Variants in DCDC2C observed in about 807,000 individuals in gnomAD.
DCDC2C encodes doublecortin domain containing 2C, also known as doublecortin domain-containing protein 2C.
DCDC2C carries 44 observed loss-of-function variants against 45.0 expected under a neutral mutation model. The ratio of observed to expected loss-of-function variants is 0.98; its 90% confidence interval spans 0.77 to 1.26. The LOEUF (loss-of-function observed/expected upper bound fraction) is 1.26, where lower values mean the gene tolerates loss of function less well. Among genes scored for constraint, DCDC2C ranks in the 50% most tolerant of loss-of-function variants. The pLI, the probability that DCDC2C is intolerant of heterozygous loss-of-function variation, is 0.00. For missense variants in DCDC2C, 447 were observed against 468.9 expected (o/e 0.95, Z 0.43); for synonymous variants, 187 against 178.8 (o/e 1.05, Z -0.37).
chr2:3,715,555 C>T (rs917208405), intron 2 of DCDC2C, among the ~76,000 whole-genome samples: 3 of 150,320 alleles, frequency 2.0e-5, no homozygotes, highest in Non-Finnish European at 3.0e-5. Flanking sequence ...ATGTATTCTG[C>T]TCATCACAAC....
chr2:3,708,888 G>T (rs1307128297), intron 2 of DCDC2C, among the ~76,000 whole-genome samples: 1 of 152,166 alleles, frequency 6.6e-6, no homozygotes, highest in Non-Finnish European at 1.5e-5. Flanking sequence ...TTTGTTTTGG[G>T]GGGGTTTGGA....
intron 2 of DCDC2C, among the ~76,000 whole-genome samples, chr2:3,720,346 T>G (rs147591401): frequency 1.3e-5 from 2 of 152,034 alleles, no homozygotes; most frequent in Admixed American, 6.5e-5. Flanking sequence ...CTGTGAGGTT[T>G]TCAGAGGAAC....
intron 10 of DCDC2C, among the ~76,000 whole-genome samples, chr2:3,819,589 C>A (rs1285684529): frequency 1.3e-5 from 2 of 152,150 alleles, no homozygotes; most frequent in African/African-American, 2.4e-5. Context: ...ATGTCAGGAG[C>A]AGATTGGGTA....
intron 8 of DCDC2C, among the ~76,000 whole-genome samples, chr2:3,777,689 G>A (rs1223527901): frequency 6.6e-6 from 1 of 152,318 alleles, no homozygotes; most frequent in East Asian, 1.9e-4. Flanking sequence ...CTTGGTCTGA[G>A]TTTTCAGAAG....
chr2:3,813,056 TATATATATATA>T lies in DCDC2C; in HGVS notation c.1065+27957_1065+27967del, dbSNP rs1429710354. Among the ~76,000 whole-genome samples, 160 of 100,372 alleles carry T rather than the reference TATATATATATA, an allele frequency of 1.6e-3. 3 individuals carry two copies. The highest frequency in any genetic ancestry group is 5.2e-3 in the African/African-American group (109 of 21,152). The allele number at this position is 100,372 out of a possible 152,430, so 65.8% of individuals were successfully genotyped here. On this transcript the variant is annotated intron_variant, in intron 10 of 10. Coordinates refer to ENST00000399143, the MANE Select transcript of DCDC2C (RefSeq NM_001287444.2). ...AGAAGAACGTATATATATATATATATATATATATATATTTTTTTTTTTTTGCTGTTTTTGAG... is the reference window on the plus strand; with the variant it reads ...AGAAGAACGTATATATATATATATATTTTTTTTTTTTTTGCTGTTTTTGAG...
At chr2:3,816,161 A>G (rs1671553943) in intron 10 of DCDC2C, among the ~76,000 whole-genome samples, 1 of 152,192 alleles carries the variant, frequency 6.6e-6, no homozygotes, top group African/African-American at 2.4e-5. Context: ...CATTTGTCAC[A>G]TAGAATGATT....
intron 6 of DCDC2C, among the ~76,000 whole-genome samples, chr2:3,766,450 G>A (rs1318574961): frequency 6.6e-6 from 1 of 152,062 alleles, no homozygotes; most frequent in East Asian, 1.9e-4. Context: ...CAAAATACAA[G>A]CACCATATAC....
intron 3 of DCDC2C, among the ~76,000 whole-genome samples, chr2:3,740,538 T>C (rs576443416): frequency 6.6e-6 from 1 of 152,232 alleles, no homozygotes; most frequent in Non-Finnish European, 1.5e-5. Context: ...TTGATTACTT[T>C]TATTCCTATT....
chr2:3,845,627 GA>G, intron 10 of DCDC2C, among the ~76,000 whole-genome samples: 1 of 152,230 alleles, frequency 6.6e-6, no homozygotes, highest in East Asian at 1.9e-4. Flanking sequence ...ATCTCATCCT[GA>G]GCAATTTTTA....
intron 6 of DCDC2C, among the ~76,000 whole-genome samples, chr2:3,766,627 A>C (rs1020357874): frequency 6.6e-6 from 1 of 152,158 alleles, no homozygotes; most frequent in Admixed American, 6.5e-5. Flanking sequence ...AAAGATTGAA[A>C]ACCTGGCAGT....
Position 3,745,032 on chromosome 2 carries a change from C to G in DCDC2C, c.545+2984C>G, listed in dbSNP as rs555025128. ...TTTTAGACTTGCTCTGTTGCCTGGG[C>G]TGGAGTGCAATGGTGCAATCTCGGC... On this transcript the variant is annotated intron_variant, in intron 4 of 10. Coordinates refer to ENST00000399143, the MANE Select transcript of DCDC2C (RefSeq NM_001287444.2). Among the ~76,000 whole-genome samples the G allele has an allele frequency of 1.1e-4, 17 of 152,296 alleles. No individual in the cohort carries two copies. The South Asian group carries it at 3.5e-3, about 32-fold the overall frequency.
At chr2:3,840,842 C>T (rs763422692) in intron 10 of DCDC2C, among the ~76,000 whole-genome samples, 18 of 152,162 alleles carry the variant, frequency 1.2e-4, no homozygotes, top group Non-Finnish European at 2.2e-4. Flanking sequence ...TGAAAGTGTC[C>T]GCCGCGAGGC....
chr2:3,808,001 G>A (rs1300813011), intron 10 of DCDC2C, among the ~76,000 whole-genome samples: 1 of 152,158 alleles, frequency 6.6e-6, no homozygotes, highest in Non-Finnish European at 1.5e-5. Flanking sequence ...ATTTTAAAAA[G>A]AGCTGCTATC....
intron 10 of DCDC2C, among the ~76,000 whole-genome samples, chr2:3,800,385 G>A (rs1191658024): frequency 6.6e-6 from 1 of 152,160 alleles, no homozygotes; most frequent in Non-Finnish European, 1.5e-5. Context: ...GGCCATCTTG[G>A]CTCCTCCCTC....
chr2:3,834,365 A>G (rs548376168), intron 10 of DCDC2C, among the ~76,000 whole-genome samples: 1 of 152,148 alleles, frequency 6.6e-6, no homozygotes, highest in Non-Finnish European at 1.5e-5. Context: ...TGTCCCCTAC[A>G]AACCTGTTGT....
intron 2 of DCDC2C, among the ~76,000 whole-genome samples, chr2:3,719,125 G>A (rs983398449): frequency 1.2e-4 from 18 of 151,382 alleles, no homozygotes; most frequent in Admixed American, 3.3e-4. Flanking sequence ...TCGCTCTGTC[G>A]CCCAGGCTGG....
rs58613923 is a variant in DCDC2C at position 3,791,990 on chromosome 2, A to AT, written c.1065+6900dup. ...CCTTTGGCCATTCATTTATTAGTTC[A>AT]TTTTTTTTTTAATTCACCAGTTATC... On this transcript the variant is annotated intron_variant, in intron 10 of 10. Transcript: ENST00000399143. Among the ~76,000 whole-genome samples the AT allele has an allele frequency of 1.6e-4, 24 of 151,246 alleles. No individual in the cohort carries two copies. The East Asian group carries it at 1.9e-3, about 12-fold the overall frequency.
chr2:3,726,440 T>A (rs966283597), intron 2 of DCDC2C, among the ~76,000 whole-genome samples: 10 of 152,160 alleles, frequency 6.6e-5, no homozygotes, highest in Admixed American at 2.0e-4. Flanking sequence ...TTGTGTCTTA[T>A]CTGCAGTGGA....
At chr2:3,772,487 T>TA (rs1670201393) in intron 8 of DCDC2C, among the ~76,000 whole-genome samples, 1 of 152,188 alleles carries the variant, frequency 6.6e-6, no homozygotes, top group Non-Finnish European at 1.5e-5. Flanking sequence ...CAGTACTTGT[T>TA]AGTCAGTTCT....
Sources: allele counts gnomAD v4.1 joint callset (sites outside exome capture counted in the v4.1 genomes callset), GRCh38; gene constraint gnomAD v4.1.1; transcripts MANE v1.5; gene names NCBI Gene and HGNC (gene_info 2026-07-23, HGNC 2026-07-21).